Variants in NECAB3 observed in about 807,000 individuals in gnomAD.
The protein encoded by NECAB3 is N-terminal EF-hand calcium-binding protein 3.
A neutral mutation model predicts 57.2 loss-of-function variants in NECAB3; 38 were observed. The observed-to-expected ratio is 0.66, with a 90% CI of 0.51 to 0.87. The LOEUF is 0.87. Ranked by LOEUF, NECAB3 falls within the 40% of genes least tolerant of loss-of-function variation. The pLI is 0.00. For missense variants in NECAB3, 474 were observed against 527.5 expected (o/e 0.90, Z 0.99); for synonymous variants, 223 against 222.6 (o/e 1.00, Z -0.02).
At chr20:33,668,384 T>C (rs1461469878) in intron 5 of NECAB3, 1 of 1,148,544 alleles carries the variant, frequency 8.7e-7, no homozygotes, top group East Asian at 2.7e-5. Flanking sequence ...GAGAAGGTAT[T>C]TGGGACCCAT....
intron 5 of NECAB3, chr20:33,663,665 G>C (rs762277407): frequency 6.3e-7 from 1 of 1,575,080 alleles, no homozygotes; most frequent in Non-Finnish European, 8.6e-7. Flanking sequence ...GGCGAAGGTA[G>C]CGAGCGCGAG....
At chr20:33,668,665 TG>T in intron 5 of NECAB3, 1 of 165,668 alleles carries the variant, frequency 6.0e-6, no homozygotes, top group East Asian at 1.8e-4. Context: ...TGCCTAGCCA[TG>T]TGCTCAGGTC....
In NECAB3 at chr20:33,674,397, T is replaced by C. The variant is rs990685506; in HGVS notation, c.-45A>G. On this transcript the variant is annotated 5_prime_UTR_variant, in exon 1 of 12. Transcript: ENST00000246190. Reference sequence around the variant, plus strand: ...GCTCGGCTGCGGTTGCTGCCGACCCTGGACGCCGCGGCGGACTCGGTGTGG... The same window carrying C: ...GCTCGGCTGCGGTTGCTGCCGACCCCGGACGCCGCGGCGGACTCGGTGTGG... The C allele has an allele frequency of 1.1e-4, 125 of 1,137,796 alleles. 1 individual carries two copies. The African/African-American group carries it at 1.4e-3, about 13-fold the overall frequency. 70.5% of individuals were successfully genotyped at this position (1,137,796 alleles called of 1,614,324 possible). A position where few individuals can be genotyped will look rare whatever the true frequency, so the allele number is the denominator to read the frequency against.
rs868543717 is a variant in NECAB3 at position 33,674,331 on chromosome 20, T to C, written c.22A>G (p.Thr8Ala). Residue 8 changes from threonine to alanine, a missense_variant, in exon 1 of 12, where the codon ACC becomes GCC. Transcript: ENST00000246190. The part of the protein sequence containing the change: MACAGLL[T>A]VCLLRPPAPQ... Reference sequence around the variant, plus strand: ...GCGGGCGGCCGGAGCAGGCACACGGTGAGCAGCCCCGCGCACGCCATGGCG... The same window carrying C: ...GCGGGCGGCCGGAGCAGGCACACGGCGAGCAGCCCCGCGCACGCCATGGCG... 1.2e-5 allele frequency: 14 copies of C among 1,209,704 alleles called. No homozygotes were observed. Among genetic ancestry groups the C allele is most frequent in the African/African-American group, 6.3e-5 (4 of 63,354 alleles). The allele number at this position is 1,209,704 out of a possible 1,614,324, so 74.9% of individuals were successfully genotyped here.
intron 5 of NECAB3, chr20:33,669,005 A>T (rs1475167481): frequency 7.4e-6 from 2 of 270,382 alleles, no homozygotes; most frequent in Non-Finnish European, 1.4e-5. Flanking sequence ...CGCCTAGCCC[A>T]GCCCTGAATG....
intron 5 of NECAB3, chr20:33,663,943 G>A: frequency 1.5e-6 from 2 of 1,291,634 alleles, no homozygotes; most frequent in South Asian, 3.5e-5. Context: ...GAGGCGTCTG[G>A]GCGCGGAGTC....
chr20:33,667,552 G>T, intron 5 of NECAB3: 1 of 1,552,328 alleles, frequency 6.4e-7, no homozygotes. Context: ...CAGCGGGCTG[G>T]CCGTGGAGGC....
In NECAB3 at chr20:33,669,456, G is replaced by A. The variant is rs371965021; in HGVS notation, c.306C>T (p.His102=). The A allele has an allele frequency of 3.8e-5, 62 of 1,613,730 alleles. No individual in the cohort carries two copies. In the African/African-American group the frequency reaches 7.1e-4, roughly 18 times the overall value. Residue 102 remains histidine, a synonymous_variant, in exon 5 of 12, where the codon CAC becomes CAT. Transcript: ENST00000246190. ...TEKLCDYFSE[H]LGVYRPVLAA... is the part of the protein sequence containing the mutation. ...CCAGCACCGGCCGGTAGACACCCAGGTGCTCTGAGAAGTAGTCTGCAGGCA... is the reference window on the plus strand; with the variant it reads ...CCAGCACCGGCCGGTAGACACCCAGATGCTCTGAGAAGTAGTCTGCAGGCA...
chr20:33,669,766 A>G (rs2122515928), intron 3 of NECAB3, 54 bp from the exon 4 acceptor site: 1 of 1,523,426 alleles, frequency 6.6e-7, no homozygotes, highest in East Asian at 2.4e-5. Flanking sequence ...AACTGGGACT[A>G]ATGGGGCCAA....
rs1441814025 is a variant in NECAB3 at position 33,659,702 on chromosome 20, C to T, written c.674G>A (p.Arg225Gln). 5.0e-6 allele frequency: 8 copies of T among 1,607,032 alleles called. No individual in the cohort carries two copies. Among genetic ancestry groups the T allele is most frequent in the Non-Finnish European group, 5.1e-6 (6 of 1,178,682 alleles). ...CTCCTGGAGGCGGTTCACCTGGAGCCGCCACTGCATCTCGGCCTCTGAGCT... is the reference window on the plus strand; with the variant it reads ...CTCCTGGAGGCGGTTCACCTGGAGCTGCCACTGCATCTCGGCCTCTGAGCT... ...GRSSEAEMQW[R>Q]LQVNRLQELI... Residue 225 changes from arginine to glutamine, a missense_variant, in exon 8 of 12, where the codon CGG becomes CAG. By Grantham distance (43) the Arg-to-Gln change is conservative. Transcript: ENST00000246190.
In NECAB3 at chr20:33,660,337, G is replaced by A. The variant is rs373102955; in HGVS notation, c.446C>T (p.Thr149Met). The change falls in exon 6 of 12, where the codon ACG becomes ATG. Residue 149 changes from threonine (T) to methionine (M), a missense_variant. Physicochemically the swap from Thr to Met is moderately conservative, Grantham distance 81 (BLOSUM62 -1). Transcript: ENST00000246190. The surrounding 1 kb of genome is among the most constrained non-coding windows in gnomAD (Gnocchi z 4.1). ...CTGAAGGGCTTGCAGCTGGCTCACC[G>A]TCTCCCGCAGCAGGAAGCGCGTCAC... ...QFVTRFLLRE[T>M]VSQLQALQSS... 1.3e-5 allele frequency: 21 copies of A among 1,613,508 alleles called. No homozygotes were observed. The highest frequency in any genetic ancestry group is 6.7e-5 in the Admixed American group (4 of 60,026).
At chr20:33,659,223 C>T (rs1018461347) in intron 8 of NECAB3, among the ~76,000 whole-genome samples, 10 of 152,212 alleles carry the variant, frequency 6.6e-5, no homozygotes, top group African/African-American at 1.9e-4. Context: ...AGCCACTGTT[C>T]CTCCTCCTGC....
rs548941101 is a variant in NECAB3, at chr20:33,660,847, A to G, written c.388-452T>C. The stretch of plus-strand genomic sequence containing the variant: ...TATTCACTCATTCATTCATTCACTC[A>G]TACACACAACACTGGGTGCTTTTTA... On this transcript the variant is annotated intron_variant, in intron 5 of 11. Coordinates refer to ENST00000246190, the MANE Select transcript of NECAB3 (RefSeq NM_031232.4). This position sits in a 1 kb window ranked among gnomAD's most constrained non-coding sequence, Gnocchi z 4.1. Among the ~76,000 whole-genome samples the G allele has an allele frequency of 3.9e-4, 59 of 152,312 alleles. No homozygotes were observed. The highest frequency in any genetic ancestry group is 2.5e-3 in the South Asian group (12 of 4,830).
intron 5 of NECAB3, chr20:33,668,603 C>G (rs1479148647): frequency 5.0e-6 from 1 of 198,752 alleles, no homozygotes; most frequent in African/African-American, 2.3e-5. Flanking sequence ...AGGGGCGATC[C>G]CTTGAAAAGC....
intron 5 of NECAB3, among the ~76,000 whole-genome samples, chr20:33,666,126 C>T (rs1023466284): frequency 3.9e-5 from 6 of 152,014 alleles, no homozygotes; most frequent in African/African-American, 1.5e-4. Context: ...AACTGAGGCC[C>T]ACGTGAATCC....
At chr20:33,667,733 A>G (rs1378081267) in intron 5 of NECAB3, 1 of 1,612,158 alleles carries the variant, frequency 6.2e-7, no homozygotes, top group South Asian at 1.1e-5. Flanking sequence ...GCCATCACAC[A>G]TCTCAAGAAG....
At position 33,659,921 on chromosome 20, in the gene NECAB3, G is replaced by C. The variant is rs374372890; in HGVS notation, c.607C>G (p.Arg203Gly). The change falls in exon 7 of 12, where the codon CGG becomes GGG. Residue 203 changes from arginine (R) to glycine (G), a missense_variant. By Grantham distance (125) the Arg-to-Gly change is moderately radical (BLOSUM62 -2). Coordinates refer to ENST00000246190, the MANE Select transcript of NECAB3 (RefSeq NM_031232.4). ...AGRRALRSVSRSSTWSPGSSD... is the reference protein window; with the variant it reads ...AGRRALRSVSGSSTWSPGSSD... ...GAGCCGGGGGACCAGGTGGATGACC[G>C]GCTGACACTCCTCAGGGCTCGGCGT... is the stretch of plus-strand genomic sequence containing the variant. The C allele has an allele frequency of 1.1e-5, 17 of 1,549,014 alleles. No individual in the cohort carries two copies. The African/African-American group carries it at 2.0e-4, about 19-fold the overall frequency.
At chr20:33,671,613 C>T (rs1340348588) in intron 2 of NECAB3, among the ~76,000 whole-genome samples, 1 of 152,212 alleles carries the variant, frequency 6.6e-6, no homozygotes, top group Non-Finnish European at 1.5e-5. Context: ...AGGCTGACTG[C>T]GAAGCTCAGA....
intron 2 of NECAB3, 107 bp downstream of exon 2, chr20:33,672,291 G>A: frequency 3.6e-6 from 5 of 1,372,672 alleles, no homozygotes; most frequent in East Asian, 4.6e-5. Flanking sequence ...GGGCCCCCAA[G>A]ATTTGTCTCA....
Sources: gnomAD v4.1 joint callset for allele counts (sites outside exome capture counted in the v4.1 genomes callset) on GRCh38, gnomAD v4.1.1 for gene constraint, Gnocchi (gnomAD v3.1) non-coding constraint, MANE v1.5 for transcripts, NCBI Gene and HGNC (gene_info 2026-07-23, HGNC 2026-07-21) for gene names.